Variants in LAMA1 observed in about 807,000 individuals in gnomAD.
LAMA1 encodes the protein laminin subunit alpha-1.
A neutral mutation model predicts 348.7 loss-of-function variants in LAMA1; 219 were observed. The observed-to-expected ratio is 0.63, with a 90% confidence interval of 0.56 to 0.70. The LOEUF is 0.70. Among genes scored for constraint, LAMA1 ranks in the 30% least tolerant of loss-of-function variants. The pLI is 0.00. For synonymous variants in LAMA1, 1,487 were observed against 1,491.0 expected, an observed-to-expected ratio of 1.00 and a Z score of 0.06; for missense variants, 3,744 against 3,888.0, an observed-to-expected ratio of 0.96 and a Z score of 0.99.
intron 30 of LAMA1, 138 bp from the exon 31 acceptor site, chr18:7,000,135 A>G (rs995353332): frequency 4.5e-6 from 3 of 669,788 alleles, no homozygotes; most frequent in Non-Finnish European, 8.0e-6. Flanking sequence ...AGAGCTTACA[A>G]TCTACCTGGC....
Position 6,949,101 on chromosome 18 carries a change from A to G in LAMA1, c.8556T>C (p.Asn2852=). The change falls in exon 59 of 63, where the codon AAT becomes AAC. Residue 2852 remains asparagine (N), a splice_region_variant and synonymous_variant. Coordinates refer to ENST00000389658, the MANE Select transcript of LAMA1 (RefSeq NM_005559.4). ...PSQYQARKIG[N]ITHSIPACIG... is the part of the protein sequence containing the mutation. The stretch of plus-strand genomic sequence containing the variant: ...TGTCAGTATGGAAAATGCTGCTTAC[A>G]TTTCCAATTTTCCTGGCCTGGTACT... The G allele has an allele frequency of 1.2e-6, 2 of 1,614,156 alleles. No homozygotes were observed. The highest frequency in any genetic ancestry group is 1.3e-5 in the African/African-American group (1 of 75,036).
chr18:6,987,563 A>G (rs2057740772), intron 36 of LAMA1, among the ~76,000 whole-genome samples: 1 of 152,234 alleles, frequency 6.6e-6, no homozygotes, highest in Non-Finnish European at 1.5e-5. Flanking sequence ...GCTGCATAGA[A>G]TAATAAAATT....
chr18:6,970,442 C>T lies in LAMA1; in HGVS notation c.6899+1415G>A, dbSNP rs149236389. Among the ~76,000 whole-genome samples the T allele has an allele frequency of 1.7e-3, 259 of 152,198 alleles. 1 individual carries two copies. The highest frequency in any genetic ancestry group is 5.6e-3 in the African/African-American group (232 of 41,552). ...TTTATAGAGGTGGGTAAGACAAGAA[C>T]GATGATCATTTTTCTTTTCTGGAAA... On this transcript the variant is annotated intron_variant, in intron 48 of 62. Transcript: ENST00000389658.
intron 19 of LAMA1, among the ~76,000 whole-genome samples, chr18:7,019,481 A>G (rs2057905489): frequency 6.6e-6 from 1 of 152,100 alleles, no homozygotes; most frequent in Non-Finnish European, 1.5e-5. Context: ...TATTCACTGT[A>G]TGATGTGTCT....
At chr18:7,082,963 G>A (rs2058198910) in intron 1 of LAMA1, among the ~76,000 whole-genome samples, 2 of 144,176 alleles carry the variant, frequency 1.4e-5, no homozygotes, top group Admixed American at 1.3e-4. Context: ...AGTAACTGCA[G>A]GGTCTTGTGT....
intron 1 of LAMA1, among the ~76,000 whole-genome samples, chr18:7,098,647 G>A (rs1258352147): frequency 1.4e-5 from 2 of 147,648 alleles, no homozygotes; most frequent in Non-Finnish European, 3.0e-5. Flanking sequence ...GAGCCTCTCC[G>A]ACCGGCAGCC....
At chr18:7,094,997 T>C (rs922708602) in intron 1 of LAMA1, among the ~76,000 whole-genome samples, 4 of 152,094 alleles carry the variant, frequency 2.6e-5, no homozygotes, top group African/African-American at 9.7e-5. Flanking sequence ...AGATTCAACA[T>C]TGTGAGATAG....
At chr18:6,998,171 G>A (rs1032530822) in intron 32 of LAMA1, among the ~76,000 whole-genome samples, 5 of 152,166 alleles carry the variant, frequency 3.3e-5, no homozygotes, top group Non-Finnish European at 5.9e-5. Flanking sequence ...GTGGCGCCCA[G>A]TAAGCAAAAG....
At chr18:7,053,592 G>A (rs73376805) in intron 3 of LAMA1, among the ~76,000 whole-genome samples, 12,295 of 152,102 alleles carry the variant, frequency 0.081, 1,603 homozygotes, top group African/African-American at 0.28. Context: ...TATTAGCAGC[G>A]GGAGGAAACT....
At chr18:7,031,922 G>T in intron 16 of LAMA1, 144 bp downstream of exon 16, 1 of 562,558 alleles carries the variant, frequency 1.8e-6, no homozygotes, top group Non-Finnish European at 3.1e-6. Flanking sequence ...TTCATGACAT[G>T]AGCTTAAATC....
intron 6 of LAMA1, among the ~76,000 whole-genome samples, 193 bp downstream of exon 6, chr18:7,046,085 A>C (rs2058040960): frequency 6.6e-6 from 1 of 152,172 alleles, no homozygotes; most frequent in African/African-American, 2.4e-5. Context: ...GTAAGAACTT[A>C]ATTAGAAACA....
At chr18:7,039,035 G>A (rs62083462) in intron 10 of LAMA1, 85 bp from the exon 11 acceptor site, 14,973 of 1,109,482 alleles carry the variant, frequency 0.013, 222 homozygotes, top group South Asian at 0.052. Flanking sequence ...ATAGGTGTTC[G>A]GTGATCCACA....
chr18:7,102,427 AG>A (rs149544377), intron 1 of LAMA1, among the ~76,000 whole-genome samples: 224 of 151,268 alleles, frequency 1.5e-3, no homozygotes, highest in African/African-American at 4.5e-3. Context: ...CTTAAAAAAA[AG>A]AAAAACCTCT....
At chr18:7,035,699 G>C (rs993092482) in intron 13 of LAMA1, among the ~76,000 whole-genome samples, 1 of 152,142 alleles carries the variant, frequency 6.6e-6, no homozygotes, top group African/African-American at 2.4e-5. Flanking sequence ...TTATAAGCAT[G>C]AGCCACCAAG....
chr18:7,045,803 C>T (rs2058039600), intron 6 of LAMA1, among the ~76,000 whole-genome samples: 2 of 152,218 alleles, frequency 1.3e-5, no homozygotes, highest in South Asian at 4.1e-4. Context: ...AAGTGATCCA[C>T]CCGCCTCTGC....
chr18:7,088,873 G>A (rs1484186841), intron 1 of LAMA1, among the ~76,000 whole-genome samples: 2 of 152,104 alleles, frequency 1.3e-5, no homozygotes, highest in Non-Finnish European at 2.9e-5. Flanking sequence ...TGGACACGGA[G>A]GCTCAGGTCT....
In LAMA1 at chr18:7,009,265, C is replaced by T. The variant is rs187196123; in HGVS notation, c.3975G>A (p.Ser1325=). 1.1e-5 allele frequency: 18 copies of T among 1,614,032 alleles called. No homozygotes were observed. Among genetic ancestry groups the T allele is most frequent in the African/African-American group, 1.1e-4 (8 of 75,042 alleles). Residue 1325 remains serine (S), a synonymous_variant, in exon 27 of 63, where the codon TCG becomes TCA. Transcript: ENST00000389658. ...SDIEYILIKA[S]YGQGLQQSRI... is the part of the protein sequence containing the mutation. ...TGCTCTGCTGTAATCCTTGACCATA[C>T]GATGCCTTGATGAGGATGTACTCAA... is the stretch of plus-strand genomic sequence containing the variant.
At chr18:7,114,214 G>A (rs11876901) in intron 1 of LAMA1, among the ~76,000 whole-genome samples, 17,159 of 152,178 alleles carry the variant, frequency 0.11, 2,518 homozygotes, top group African/African-American at 0.34. Flanking sequence ...TACAATAGGT[G>A]TAACAGTAAT....
At chr18:7,106,252 G>A (rs907034683) in intron 1 of LAMA1, among the ~76,000 whole-genome samples, 1 of 152,174 alleles carries the variant, frequency 6.6e-6, no homozygotes, top group Admixed American at 6.5e-5. Flanking sequence ...AGGGATGGTG[G>A]CAGATCCTGC....
Sources: allele counts gnomAD v4.1 joint callset (sites outside exome capture counted in the v4.1 genomes callset), GRCh38; gene constraint gnomAD v4.1.1; transcripts MANE v1.5; gene names NCBI Gene and HGNC (gene_info 2026-07-23, HGNC 2026-07-21).